DOCK4: variants seen among roughly 807,000 people sequenced by gnomAD.
DOCK4 encodes the protein dedicator of cytokinesis 4.
Under a neutral mutation model 268.1 loss-of-function variants are expected in DOCK4, and 97 were observed. The observed-to-expected ratio is 0.36, with a 90% CI of 0.31 to 0.43. The LOEUF is 0.43. Among genes scored for constraint, DOCK4 ranks in the 20% least tolerant of loss-of-function variants. DOCK4 has a pLI of 1.00. For missense variants in DOCK4, 2,145 were observed against 2,455.7 expected (o/e 0.87, Z 2.67); for synonymous variants, 954 against 887.2 (o/e 1.08, Z -1.34).
chr7:111,924,092 CA>C (rs1316416986), intron 12 of DOCK4, among the ~76,000 whole-genome samples: 6 of 152,070 alleles, frequency 3.9e-5, no homozygotes, highest in Non-Finnish European at 8.8e-5. Flanking sequence ...AATCTCGTTC[CA>C]TTTTTTTATG....
chr7:112,059,695 A>C (rs1012034632), intron 1 of DOCK4, among the ~76,000 whole-genome samples: 4 of 152,216 alleles, frequency 2.6e-5, no homozygotes, highest in Non-Finnish European at 5.9e-5. Flanking sequence ...GCAATAATTG[A>C]TTCAAGATTT....
chr7:112,004,072 C>G lies in DOCK4; in HGVS notation c.97G>C (p.Val33Leu), dbSNP rs753430128. 1 of 1,604,362 alleles carries G rather than the reference C, an allele frequency of 6.2e-7. No individual in the cohort carries two copies. The highest frequency in any genetic ancestry group is 1.3e-5 in the African/African-American group (1 of 74,798). The change falls in exon 2 of 53, where the codon GTT becomes CTT. Residue 33 changes from valine (V) to leucine (L), a missense_variant. Around this residue, in one of 2 missense-constraint regions of DOCK4, gnomAD observed 1,598 missense variants for 1,986.7 expected, o/e 0.80. Transcript: ENST00000428084. Reference protein sequence around the residue: ...YGLSLEIGDTVQILEKCDGWY... With the variant: ...YGLSLEIGDTLQILEKCDGWY... The stretch of plus-strand genomic sequence containing the variant: ...CCATCACACTTCTCCAGGATCTGAA[C>G]TGTATCTCCAATTTCCAATGACAGG...
intron 13 of DOCK4, among the ~76,000 whole-genome samples, chr7:111,904,504 C>T (rs1373673489): frequency 6.6e-6 from 1 of 152,008 alleles, no homozygotes; most frequent in Non-Finnish European, 1.5e-5. Context: ...GATGAGCACC[C>T]TGAGTAGGCT....
chr7:111,787,346 G>T (rs970928850), intron 32 of DOCK4, among the ~76,000 whole-genome samples: 1 of 152,076 alleles, frequency 6.6e-6, no homozygotes, highest in Non-Finnish European at 1.5e-5. Context: ...ATTTTAATCA[G>T]AATTCTTGCT....
chr7:111,931,215 G>T (rs1720829544), intron 12 of DOCK4, among the ~76,000 whole-genome samples: 1 of 152,162 alleles, frequency 6.6e-6, no homozygotes, highest in Non-Finnish European at 1.5e-5. Context: ...ATCACAGCAG[G>T]CTGCAAAATG....
chr7:112,200,730 AAAAAAAAAC>A (rs1243463937), intron 1 of DOCK4, among the ~76,000 whole-genome samples: 4 of 114,676 alleles, frequency 3.5e-5, no homozygotes, highest in African/African-American at 1.2e-4. Flanking sequence ...TAAAATAAAA[AAAAAAAAAC>A]AAAAAAAAAC....
At chr7:112,093,878 G>GAA (rs5886610) in intron 1 of DOCK4, among the ~76,000 whole-genome samples, 14 of 129,472 alleles carry the variant, frequency 1.1e-4, no homozygotes, top group African/African-American at 2.8e-4. Context: ...GACATATAAG[G>GAA]AAAAAAAAAA....
At chr7:111,771,341 G>A (rs1798112848) in intron 36 of DOCK4, among the ~76,000 whole-genome samples, 1 of 152,208 alleles carries the variant, frequency 6.6e-6, no homozygotes, top group South Asian at 2.1e-4. Flanking sequence ...CACTTTCCAG[G>A]AATGAGCAAG....
chr7:112,091,271 T>C (rs939693867), intron 1 of DOCK4, among the ~76,000 whole-genome samples: 1 of 151,888 alleles, frequency 6.6e-6, no homozygotes, highest in African/African-American at 2.4e-5. Flanking sequence ...GAAAGAGAGG[T>C]AAAATGAGAA....
intron 1 of DOCK4, among the ~76,000 whole-genome samples, chr7:112,068,039 C>T (rs1399003877): frequency 6.6e-6 from 1 of 152,158 alleles, no homozygotes; most frequent in Non-Finnish European, 1.5e-5. Flanking sequence ...GCATGTCTCA[C>T]ACAACAAGGG....
intron 1 of DOCK4, among the ~76,000 whole-genome samples, chr7:112,020,356 T>A (rs1206018317): frequency 6.6e-6 from 1 of 152,180 alleles, no homozygotes; most frequent in Non-Finnish European, 1.5e-5. Flanking sequence ...GTAAAAAAGT[T>A]CACCTTCACA....
chr7:112,178,268 T>G (rs529934730), intron 1 of DOCK4, among the ~76,000 whole-genome samples: 1 of 152,234 alleles, frequency 6.6e-6, no homozygotes, highest in Non-Finnish European at 1.5e-5. Flanking sequence ...ACTTCTGAAG[T>G]GCTGAAGTGA....
At chr7:112,201,391 G>C (rs894946182) in intron 1 of DOCK4, among the ~76,000 whole-genome samples, 2 of 152,140 alleles carry the variant, frequency 1.3e-5, no homozygotes, top group Non-Finnish European at 2.9e-5. Flanking sequence ...CTTCAGATCA[G>C]CTTGTTCTGA....
intron 1 of DOCK4, among the ~76,000 whole-genome samples, chr7:112,071,645 T>A (rs1807592291): frequency 6.6e-6 from 1 of 152,354 alleles, no homozygotes; most frequent in South Asian, 2.1e-4. Flanking sequence ...CAGTCTTCAA[T>A]CTTCTGAAAG....
chr7:112,089,682 T>C (rs1809445087), intron 1 of DOCK4, among the ~76,000 whole-genome samples: 1 of 152,004 alleles, frequency 6.6e-6, no homozygotes, highest in Admixed American at 6.6e-5. Flanking sequence ...CTGATGATAG[T>C]GAGTGAGTTC....
chr7:112,200,725 TA>T (rs1335683859), intron 1 of DOCK4, among the ~76,000 whole-genome samples: 7 of 102,790 alleles, frequency 6.8e-5, no homozygotes, highest in Admixed American at 4.5e-4. Context: ...GCCTCTAAAA[TA>T]AAAAAAAAAA....
intron 30 of DOCK4, among the ~76,000 whole-genome samples, chr7:111,791,013 G>A (rs960960184): frequency 4.8e-5 from 7 of 146,148 alleles, no homozygotes; most frequent in African/African-American, 1.8e-4. Flanking sequence ...AGCCAAGATC[G>A]TGCCACTGCA....
intron 12 of DOCK4, among the ~76,000 whole-genome samples, chr7:111,924,616 T>G (rs1793445416): frequency 6.6e-6 from 1 of 152,168 alleles, no homozygotes; most frequent in African/African-American, 2.4e-5. Flanking sequence ...TTTCTAGACA[T>G]TAGTCCTGTT....
At chr7:112,128,392 A>C (rs1260830649) in intron 1 of DOCK4, among the ~76,000 whole-genome samples, 6 of 152,216 alleles carry the variant, frequency 3.9e-5, no homozygotes, top group East Asian at 3.9e-4. Flanking sequence ...CCCCTCTGCC[A>C]GGCCACCACC....
Sources: allele counts gnomAD v4.1 joint callset (sites outside exome capture counted in the v4.1 genomes callset), GRCh38; gene constraint gnomAD v4.1.1; regional missense constraint gnomAD v4.1.1; transcripts MANE v1.5; gene names NCBI Gene and HGNC (gene_info 2026-07-23, HGNC 2026-07-21).